DGKB: variants seen among roughly 807,000 people sequenced by gnomAD.
DGKB encodes the protein 90 kDa diacylglycerol kinase.
Under a neutral mutation model 114.3 loss-of-function variants are expected in DGKB, and 67 were observed. The ratio of observed to expected loss-of-function variants is 0.59; its 90% CI spans 0.48 to 0.72. The LOEUF (loss-of-function observed/expected upper bound fraction) is 0.72, where lower values mean the gene tolerates loss of function less well. Ranked by LOEUF, DGKB falls within the 30% of genes least tolerant of loss-of-function variation. The probability of loss-of-function intolerance (pLI) is 0.00; values close to 1 mark genes in which losing one functional copy is unlikely to be tolerated. For synonymous variants in DGKB, 398 were observed against 323.1 expected (o/e 1.23, Z -2.49); for missense variants, 907 against 975.2 (o/e 0.93, Z 0.93).
intron 5 of DGKB, 24 bp from the exon 6 acceptor site, chr7:14,718,709 T>G (rs1453529866): frequency 6.4e-7 from 1 of 1,571,872 alleles, no homozygotes; most frequent in Admixed American, 1.8e-5. Context: ...TGTCTTTATA[T>G]TTTGTTAATT....
chr7:14,643,730 C>A (rs748214836), intron 13 of DGKB, among the ~76,000 whole-genome samples: 3 of 152,172 alleles, frequency 2.0e-5, no homozygotes, highest in African/African-American at 4.8e-5. Flanking sequence ...AGTGACCTCT[C>A]CCCCTCTAGC....
At chr7:14,646,391 G>C (rs1242310720) in intron 13 of DGKB, among the ~76,000 whole-genome samples, 1 of 152,056 alleles carries the variant, frequency 6.6e-6, no homozygotes, top group Non-Finnish European at 1.5e-5. Context: ...TACAATAATA[G>C]CTAGGAACTT....
intron 2 of DGKB, among the ~76,000 whole-genome samples, chr7:14,824,076 T>C (rs1373605614): frequency 1.3e-5 from 2 of 152,060 alleles, no homozygotes; most frequent in African/African-American, 4.8e-5. Flanking sequence ...AACTCCCCTT[T>C]ATAAAACCAT....
At chr7:14,647,915 C>A (rs1024151831) in intron 13 of DGKB, among the ~76,000 whole-genome samples, 2 of 152,192 alleles carry the variant, frequency 1.3e-5, no homozygotes, top group Non-Finnish European at 2.9e-5. Context: ...TCACTCCCAC[C>A]AGAATACTGT....
At chr7:14,843,396 G>A (rs1317587602) in intron 1 of DGKB, among the ~76,000 whole-genome samples, 1 of 118,422 alleles carries the variant, frequency 8.4e-6, no homozygotes, top group Non-Finnish European at 1.6e-5. Flanking sequence ...CTGCAGTGGC[G>A]CAATCTCGGC....
At chr7:14,879,248 G>C (rs1331559229) in intron 1 of DGKB, among the ~76,000 whole-genome samples, 15 of 151,768 alleles carry the variant, frequency 9.9e-5, no homozygotes. Context: ...AGAATATTCT[G>C]TTTAGATTCC....
intron 21 of DGKB, among the ~76,000 whole-genome samples, chr7:14,438,660 G>T (rs563812852): frequency 6.6e-6 from 1 of 152,090 alleles, no homozygotes; most frequent in African/African-American, 2.4e-5. Flanking sequence ...ATAGATAACA[G>T]CATAGTTAGA....
At chr7:14,217,079 T>C (rs1050853712) in intron 23 of DGKB, among the ~76,000 whole-genome samples, 1 of 152,094 alleles carries the variant, frequency 6.6e-6, no homozygotes, top group African/African-American at 2.4e-5. Flanking sequence ...GAAAGCCACT[T>C]CATTCCCTGG....
At chr7:14,793,309 G>C (rs1170763680) in intron 2 of DGKB, among the ~76,000 whole-genome samples, 1 of 152,024 alleles carries the variant, frequency 6.6e-6, no homozygotes, top group Non-Finnish European at 1.5e-5. Context: ...TTGCTCCCCC[G>C]CCAATCCTGC....
intron 23 of DGKB, among the ~76,000 whole-genome samples, chr7:14,275,648 A>C (rs2128442635): frequency 1.3e-5 from 2 of 152,328 alleles, no homozygotes; most frequent in South Asian, 4.1e-4. Context: ...TATTTGACAG[A>C]AGACAAGCAA....
intron 20 of DGKB, among the ~76,000 whole-genome samples, chr7:14,567,193 A>AAT (rs1563532858): frequency 6.1e-5 from 5 of 81,896 alleles, no homozygotes; most frequent in Non-Finnish European, 1.1e-4. Flanking sequence ...TTATATATTT[A>AAT]TATATTATAT....
intron 23 of DGKB, among the ~76,000 whole-genome samples, chr7:14,186,172 G>GA (rs1443760232): frequency 6.6e-6 from 1 of 151,940 alleles, no homozygotes; most frequent in East Asian, 1.9e-4. Context: ...AAATTGGTAA[G>GA]AAAAAATCAA....
chr7:14,488,428 T>C (rs539402321), intron 20 of DGKB, among the ~76,000 whole-genome samples: 1 of 152,212 alleles, frequency 6.6e-6, no homozygotes, highest in East Asian at 1.9e-4. Flanking sequence ...GTGATTAAAA[T>C]GCTCCCTTAA....
chr7:14,577,478 A>G lies in DGKB; in HGVS notation c.1610-3106T>C, dbSNP rs1415216504. On this transcript the variant is annotated intron_variant, in intron 19 of 25. Coordinates refer to ENST00000402815, the MANE Select transcript of DGKB (RefSeq NM_001350709.2). The stretch of plus-strand genomic sequence containing the variant: ...TAAAAGTACAAAAAATTAGCCTGGC[A>G]AGGTGGCGGGCGCCCGTAGTACCAG... Among the ~76,000 whole-genome samples, 10 of 152,032 alleles carry G rather than the reference A, an allele frequency of 6.6e-5. No homozygotes were observed. In the South Asian group the frequency reaches 1.0e-3, roughly 16 times the overall value.
intron 25 of DGKB, among the ~76,000 whole-genome samples, chr7:14,168,582 C>T (rs1784939086): frequency 6.6e-6 from 1 of 152,136 alleles, no homozygotes; most frequent in African/African-American, 2.4e-5. Flanking sequence ...TGACGTATTA[C>T]ATATTGCAAA....
intron 1 of DGKB, among the ~76,000 whole-genome samples, chr7:14,919,415 C>G (rs1784411135): frequency 6.6e-6 from 1 of 152,048 alleles, no homozygotes; most frequent in African/African-American, 2.4e-5. Flanking sequence ...AATTAGATAT[C>G]CATATGCAAA....
At position 14,934,513 on chromosome 7, in the gene DGKB, CTAT is replaced by C. The variant is rs376206424; in HGVS notation, c.-188+40180_-188+40182del. 2.6e-4 allele frequency among the ~76,000 whole-genome samples: 39 copies of C among 152,092 alleles called. No homozygotes were observed. The South Asian group carries it at 7.7e-3, about 30-fold the overall frequency. On this transcript the variant is annotated intron_variant, in intron 1 of 4. Transcript: ENST00000437998. Reference sequence around the variant, plus strand: ...TATTTTTAATCATTTTAGGGTTAAGCTATTACTTTCTGAATGTACAAAGTAGAC... The same window carrying C: ...TATTTTTAATCATTTTAGGGTTAAGCTACTTTCTGAATGTACAAAGTAGAC...
chr7:14,198,762 T>G (rs1785389920), intron 23 of DGKB, among the ~76,000 whole-genome samples: 1 of 151,880 alleles, frequency 6.6e-6, no homozygotes, highest in Non-Finnish European at 1.5e-5. Flanking sequence ...TGTAAGAAAA[T>G]AGGGTCCCAG....
intron 20 of DGKB, among the ~76,000 whole-genome samples, chr7:14,498,500 T>C (rs1055796886): frequency 2.2e-4 from 34 of 151,798 alleles, no homozygotes; most frequent in Non-Finnish European, 3.8e-4. Context: ...TGTCTAAATG[T>C]TAATGCTGAA....
Sources: gnomAD v4.1 joint callset for allele counts (sites outside exome capture counted in the v4.1 genomes callset) on GRCh38, gnomAD v4.1.1 for gene constraint, MANE v1.5 for transcripts, NCBI Gene and HGNC (gene_info 2026-07-23, HGNC 2026-07-21) for gene names.